COBL: variants seen among roughly 807,000 people sequenced by gnomAD.
The protein encoded by COBL is cordon-bleu WH2 repeat protein, also known as protein cordon-bleu.
A neutral mutation model predicts 98.8 loss-of-function variants in COBL; 51 were observed. The ratio of observed to expected loss-of-function variants is 0.52; its 90% confidence interval spans 0.41 to 0.65. The LOEUF is 0.65. Ranked by LOEUF, COBL falls within the 30% of genes least tolerant of loss-of-function variation. COBL has a pLI of 0.00. For synonymous variants in COBL, 634 were observed against 651.7 expected (o/e 0.97, Z 0.41); for missense variants, 1,617 against 1,617.5 (o/e 1.00, Z 0.01).
At chr7:51,232,084 G>C (rs553109025) in intron 1 of COBL, among the ~76,000 whole-genome samples, 1 of 152,160 alleles carries the variant, frequency 6.6e-6, no homozygotes, top group African/African-American at 2.4e-5. Flanking sequence ...GGACCGTTCT[G>C]GTAGACGATG....
intron 1 of COBL, among the ~76,000 whole-genome samples, chr7:51,255,247 G>C (rs1266679416): frequency 6.6e-6 from 1 of 152,116 alleles, no homozygotes; most frequent in Admixed American, 6.5e-5. Flanking sequence ...ATAAAATGAG[G>C]AACTGCTGCC....
At chr7:51,233,272 GAC>G (rs1416213482) in intron 1 of COBL, among the ~76,000 whole-genome samples, 2 of 152,138 alleles carry the variant, frequency 1.3e-5, no homozygotes, top group Non-Finnish European at 2.9e-5. Context: ...TGGCAAAACC[GAC>G]AGTTTTCTTC....
chr7:51,219,055 T>C (rs1413994678), intron 2 of COBL, among the ~76,000 whole-genome samples: 2 of 152,192 alleles, frequency 1.3e-5, no homozygotes, highest in African/African-American at 4.8e-5. Flanking sequence ...AAACATAAAA[T>C]GTGCAAATCT....
chr7:51,203,153 A>C (rs1791300636), intron 2 of COBL, among the ~76,000 whole-genome samples: 1 of 152,182 alleles, frequency 6.6e-6, no homozygotes, highest in African/African-American at 2.4e-5. Flanking sequence ...AGCATAAGGA[A>C]GTTAATAATA....
chr7:51,197,647 A>T (rs538418707), intron 2 of COBL, among the ~76,000 whole-genome samples: 2 of 152,300 alleles, frequency 1.3e-5, no homozygotes, highest in Non-Finnish European at 2.9e-5. Context: ...GTGGGAGTTT[A>T]AGTTTCTTTG....
rs549670693 is a variant in COBL at position 51,188,026 on chromosome 7, C to G, written c.685+2824G>C. 23 of 1,196,938 alleles carry G rather than the reference C, an allele frequency of 1.9e-5. No homozygotes were observed. The South Asian group carries it at 9.3e-4, about 48-fold the overall frequency. 74.1% of individuals were successfully genotyped at this position (1,196,938 alleles called of 1,614,324 possible). ...ATGTGTGGGAGTCCCTGACCCAGGC[C>G]TTGGCCCTCACAAGCCTCAGAGGGG... On this transcript the variant is annotated intron_variant, in intron 4 of 12. Coordinates refer to ENST00000265136, the MANE Select transcript of COBL (RefSeq NM_015198.5).
At chr7:51,026,894 T>A (rs746127054) in intron 10 of COBL, among the ~76,000 whole-genome samples, 13 of 151,616 alleles carry the variant, frequency 8.6e-5, no homozygotes, top group South Asian at 4.2e-4. Context: ...TGAGTCTCCG[T>A]CTCAGGAAAA....
rs6943469 is a variant in COBL, at chr7:51,152,874, G to A, written c.784-16543C>T. Among the ~76,000 whole-genome samples, 820 of 152,292 alleles carry A rather than the reference G, an allele frequency of 5.4e-3. 5 individuals are homozygous for A. The highest frequency in any genetic ancestry group is 0.019 in the African/African-American group (777 of 41,576). On this transcript the variant is annotated intron_variant, in intron 5 of 12. Coordinates refer to ENST00000265136, the MANE Select transcript of COBL (RefSeq NM_015198.5). ...CATGCCTGAATGGGAATGCTCCAACGGTTCAGCCCAGGCATTCTCTAACTT... is the reference window on the plus strand; with the variant it reads ...CATGCCTGAATGGGAATGCTCCAACAGTTCAGCCCAGGCATTCTCTAACTT...
At chr7:51,037,599 C>A (rs1190901087) in intron 8 of COBL, among the ~76,000 whole-genome samples, 1 of 152,144 alleles carries the variant, frequency 6.6e-6, no homozygotes, top group African/African-American at 2.4e-5. Context: ...CCAGGTGTCC[C>A]CAGAATGAAA....
At chr7:51,186,072 G>A (rs955503073) in intron 4 of COBL, among the ~76,000 whole-genome samples, 5 of 152,246 alleles carry the variant, frequency 3.3e-5, no homozygotes, top group South Asian at 2.1e-4. Flanking sequence ...GTGCAAACGC[G>A]CTGTAAAGTT....
chr7:51,235,279 C>A (rs117718984), intron 1 of COBL, among the ~76,000 whole-genome samples: 5 of 152,118 alleles, frequency 3.3e-5, no homozygotes, highest in Non-Finnish European at 4.4e-5. Flanking sequence ...GGAGGACGGG[C>A]GATTCCTTGA....
chr7:51,058,550 C>A (rs1409702739), intron 7 of COBL, among the ~76,000 whole-genome samples: 2 of 59,930 alleles, frequency 3.3e-5, no homozygotes, highest in Admixed American at 4.8e-4. Flanking sequence ...AAGACCATGT[C>A]TCAAAACAAC....
chr7:51,243,624 C>T (rs1009446318), intron 1 of COBL, among the ~76,000 whole-genome samples: 5 of 151,806 alleles, frequency 3.3e-5, no homozygotes, highest in East Asian at 1.9e-4. Context: ...AAGAACGTTA[C>T]GCTGGGTGAA....
At chr7:51,043,744 A>T (rs767950090) in intron 7 of COBL, 52 bp from the exon 8 acceptor site, 102 of 1,500,702 alleles carry the variant, frequency 6.8e-5, no homozygotes, top group Non-Finnish European at 8.8e-5. Context: ...TGGCGTCCAT[A>T]CTGCCTAACA....
intron 1 of COBL, among the ~76,000 whole-genome samples, chr7:51,254,361 A>G (rs1482504965): frequency 6.6e-6 from 1 of 152,208 alleles, no homozygotes; most frequent in Non-Finnish European, 1.5e-5. Context: ...GTACAGAAGT[A>G]TTATTTGTGC....
chr7:51,219,405 A>G (rs1793398199), intron 2 of COBL, among the ~76,000 whole-genome samples: 1 of 152,168 alleles, frequency 6.6e-6, no homozygotes, highest in Non-Finnish European at 1.5e-5. Flanking sequence ...TACCTGAGGC[A>G]CACTGTGGCT....
At chr7:51,270,899 C>T (rs1798694692) in intron 1 of COBL, among the ~76,000 whole-genome samples, 1 of 152,056 alleles carries the variant, frequency 6.6e-6, no homozygotes, top group South Asian at 2.1e-4. Flanking sequence ...GTTCCTGGTA[C>T]ATAGTACTGA....
chr7:51,276,646 C>T lies in COBL; in HGVS notation c.41+39947G>A, dbSNP rs78796642. ...GGAGACACAGACACAACCCACTGCC[C>T]GCAGTAAACACTGCCAGGGCTGAGC... On this transcript the variant is annotated intron_variant, in intron 1 of 12. Coordinates refer to ENST00000265136, the MANE Select transcript of COBL (RefSeq NM_015198.5). 4.1e-3 allele frequency among the ~76,000 whole-genome samples: 627 copies of T among 152,316 alleles called. 9 individuals carry two copies. Among genetic ancestry groups the T allele is most frequent in the African/African-American group, 0.012 (508 of 41,576 alleles).
chr7:51,248,555 C>A (rs1796464612), intron 1 of COBL, among the ~76,000 whole-genome samples: 1 of 152,122 alleles, frequency 6.6e-6, no homozygotes, highest in Non-Finnish European at 1.5e-5. Context: ...ATTTTGAGTG[C>A]ATGTAAATTA....
Sources: allele counts gnomAD v4.1 joint callset (sites outside exome capture counted in the v4.1 genomes callset), GRCh38; gene constraint gnomAD v4.1.1; transcripts MANE v1.5; gene names NCBI Gene and HGNC (gene_info 2026-07-23, HGNC 2026-07-21).